Variants in SLC9B1 observed in about 807,000 individuals in gnomAD.
SLC9B1 encodes the protein sodium/hydrogen exchanger 9B1.
In SLC9B1, 32 loss-of-function variants were observed where a neutral mutation model predicts 51.7. The ratio of observed to expected loss-of-function variants is 0.62; its 90% CI spans 0.47 to 0.83. The LOEUF (loss-of-function observed/expected upper bound fraction) is 0.83. Ranked by LOEUF, SLC9B1 falls within the 40% of genes least tolerant of loss-of-function variation. The probability of loss-of-function intolerance (pLI) is 0.00; values close to 1 mark genes in which losing one functional copy is unlikely to be tolerated. For missense variants in SLC9B1, 406 were observed against 613.2 expected (o/e 0.66, Z 3.57); for synonymous variants, 145 against 212.7 (o/e 0.68, Z 2.77).
At chr4:103,001,393 C>T (rs924728886) in intron 1 of SLC9B1, among the ~76,000 whole-genome samples, 2 of 152,234 alleles carry the variant, frequency 1.3e-5, no homozygotes, top group African/African-American at 4.8e-5. Context: ...GGTCAGGCCA[C>T]AAAATTTGCA....
chr4:102,887,930 AT>A (rs1398695925), intron 11 of SLC9B1: 2 of 155,190 alleles, frequency 1.3e-5, no homozygotes, highest in East Asian at 3.8e-4. Context: ...CTTTATAGAG[AT>A]TGTTGTGTAT....
chr4:102,917,493 C>CTATATT (rs1735641726), intron 7 of SLC9B1, among the ~76,000 whole-genome samples: 1 of 66,128 alleles, frequency 1.5e-5, no homozygotes, highest in African/African-American at 5.4e-5. Flanking sequence ...ATATCTATAT[C>CTATATT]TCCTATTGGT....
At chr4:102,961,590 T>C (rs1405858069) in intron 3 of SLC9B1, among the ~76,000 whole-genome samples, 4 of 152,244 alleles carry the variant, frequency 2.6e-5, no homozygotes, top group Admixed American at 2.6e-4. Context: ...TTCTTGTATT[T>C]CCCTTTTCCT....
At position 102,966,235 on chromosome 4, in the gene SLC9B1, C is replaced by T. The variant is rs151117230; in HGVS notation, c.212-16808G>A. Among the ~76,000 whole-genome samples the T allele has an allele frequency of 9.3e-3, 1,416 of 152,312 alleles. 14 individuals are homozygous for T. Among genetic ancestry groups the T allele is most frequent in the African/African-American group, 0.031 (1,279 of 41,556 alleles). On this transcript the variant is annotated intron_variant, in intron 3 of 11. Coordinates refer to ENST00000296422, the MANE Select transcript of SLC9B1 (RefSeq NM_139173.4). Reference sequence around the variant, plus strand: ...ACCCTACATTTCTGCTCAGCATTGCCCTAGGGAAGATACACTGCAGTGGCT... The same window carrying T: ...ACCCTACATTTCTGCTCAGCATTGCTCTAGGGAAGATACACTGCAGTGGCT...
At chr4:103,002,950 T>G (rs1301285126) in intron 1 of SLC9B1, among the ~76,000 whole-genome samples, 1 of 152,232 alleles carries the variant, frequency 6.6e-6, no homozygotes, top group African/African-American at 2.4e-5. Flanking sequence ...ACATTCCTTC[T>G]GACACCCTAC....
chr4:102,933,606 G>A (rs1406015054), intron 6 of SLC9B1, among the ~76,000 whole-genome samples: 1 of 152,194 alleles, frequency 6.6e-6, no homozygotes, highest in Non-Finnish European at 1.5e-5. Context: ...CCATGAGGTA[G>A]GGTGGGGTGG....
At chr4:103,001,860 C>T (rs1740540342) in intron 1 of SLC9B1, among the ~76,000 whole-genome samples, 1 of 152,170 alleles carries the variant, frequency 6.6e-6, no homozygotes, top group African/African-American at 2.4e-5. Context: ...AACTGCCCAA[C>T]ATTAGGTAAT....
At chr4:102,996,257 T>G (rs756891025) in intron 1 of SLC9B1, among the ~76,000 whole-genome samples, 6 of 152,200 alleles carry the variant, frequency 3.9e-5, no homozygotes, top group Non-Finnish European at 7.4e-5. Context: ...CATACTGATT[T>G]GTTGGAGTTC....
At chr4:102,960,032 C>T (rs1738020382) in intron 3 of SLC9B1, among the ~76,000 whole-genome samples, 1 of 151,664 alleles carries the variant, frequency 6.6e-6, no homozygotes, top group Admixed American at 6.6e-5. Flanking sequence ...AAAAAAACCA[C>T]ATCTGTTTCT....
intron 3 of SLC9B1, among the ~76,000 whole-genome samples, chr4:102,974,242 G>GAAAAAAAAAAAAAAAAAAAAAAAAAAGA: frequency 1.9e-5 from 1 of 53,446 alleles, no homozygotes; most frequent in Non-Finnish European, 3.3e-5. Flanking sequence ...GTCTAAAATT[G>GAAAAAAAAAAAAAAAAAAAAAAAAAAGA]AAAAAAAAAA....
chr4:102,941,575 G>A lies in SLC9B1; in HGVS notation c.653+3618C>T, dbSNP rs1316320301. 12 of 439,832 alleles carry A rather than the reference G, an allele frequency of 2.7e-5. No individual in the cohort carries two copies. In the Admixed American group the frequency reaches 2.9e-4, roughly 11 times the overall value. The allele number at this position is 439,832 out of a possible 1,614,324, so 27.2% of individuals were successfully genotyped here. On this transcript the variant is annotated intron_variant, in intron 6 of 11. Coordinates refer to ENST00000296422, the MANE Select transcript of SLC9B1 (RefSeq NM_139173.4). ...GAATTGCTTGAACCTGGGAGGCAGAGGTTGCAGTGAGCTGAGATTGGGCCA... is the reference window on the plus strand; with the variant it reads ...GAATTGCTTGAACCTGGGAGGCAGAAGTTGCAGTGAGCTGAGATTGGGCCA...
At chr4:102,989,597 C>T (rs897572339) in intron 3 of SLC9B1, among the ~76,000 whole-genome samples, 3 of 151,828 alleles carry the variant, frequency 2.0e-5, no homozygotes, top group African/African-American at 7.3e-5. Flanking sequence ...AAAACATACA[C>T]CTCCTAGGCA....
At chr4:102,990,300 TAGAA>T in intron 2 of SLC9B1, among the ~76,000 whole-genome samples, 1 of 152,038 alleles carries the variant, frequency 6.6e-6, no homozygotes, top group East Asian at 1.9e-4. Context: ...ACAACTCAAT[TAGAA>T]AGGAGGTGAA....
intron 6 of SLC9B1, among the ~76,000 whole-genome samples, chr4:102,944,286 A>T (rs1374633696): frequency 6.6e-6 from 1 of 152,172 alleles, no homozygotes; most frequent in Non-Finnish European, 1.5e-5. Context: ...TATTATACTT[A>T]TTACCTGGGT....
intron 3 of SLC9B1, among the ~76,000 whole-genome samples, chr4:102,966,353 G>T (rs570016171): frequency 2.6e-5 from 4 of 152,314 alleles, no homozygotes; most frequent in African/African-American, 9.6e-5. Flanking sequence ...CACTTCTCTT[G>T]TATTCTGCAC....
intron 7 of SLC9B1, among the ~76,000 whole-genome samples, chr4:102,914,377 C>T (rs1331464486): frequency 6.6e-6 from 1 of 151,924 alleles, no homozygotes; most frequent in East Asian, 1.9e-4. Context: ...ATTTCTAATG[C>T]TATAGCTAAT....
intron 7 of SLC9B1, among the ~76,000 whole-genome samples, chr4:102,920,730 C>G (rs1456672098): frequency 6.6e-6 from 1 of 152,136 alleles, no homozygotes; most frequent in Non-Finnish European, 1.5e-5. Flanking sequence ...CCTGATGGAG[C>G]TGAAAACCTT....
At chr4:103,006,804 T>C (rs1274421250) in intron 1 of SLC9B1, among the ~76,000 whole-genome samples, 1 of 152,210 alleles carries the variant, frequency 6.6e-6, no homozygotes, top group Non-Finnish European at 1.5e-5. Context: ...AAGTAGACTT[T>C]ATCCCTGGCA....
At chr4:102,936,347 AGCCAGAATGTCTTCCT>A (rs1040400369) in intron 6 of SLC9B1, among the ~76,000 whole-genome samples, 6 of 152,238 alleles carry the variant, frequency 3.9e-5, no homozygotes, top group Non-Finnish European at 8.8e-5. Flanking sequence ...CAATGTAAAA[AGCCAGAATGTCTTCCT>A]GTCTTCAAGC....
Sources: gnomAD v4.1 joint callset for allele counts (sites outside exome capture counted in the v4.1 genomes callset) on GRCh38, gnomAD v4.1.1 for gene constraint, MANE v1.5 for transcripts, NCBI Gene and HGNC (gene_info 2026-07-23, HGNC 2026-07-21) for gene names.